PACRG: variants seen among roughly 807,000 people sequenced by gnomAD.
The protein encoded by PACRG is parkin coregulated gene protein.
PACRG carries 29 observed loss-of-function variants against 29.7 expected under a neutral mutation model. The ratio of observed to expected loss-of-function variants is 0.98; its 90% CI spans 0.73 to 1.33. The LOEUF (loss-of-function observed/expected upper bound fraction) is 1.33, where lower values mean the gene tolerates loss of function less well. Ranked by LOEUF, PACRG falls within the 40% of genes most tolerant of loss-of-function variation. The pLI is 0.00. For synonymous variants in PACRG, 116 were observed against 118.7 expected (o/e 0.98, Z 0.15); for missense variants, 279 against 316.2 (o/e 0.88, Z 0.89).
chr6:163,033,857 T>G lies in PACRG; in HGVS notation c.292-28293T>G, dbSNP rs547577781. Among the ~76,000 whole-genome samples, 13 of 152,338 alleles carry G rather than the reference T, an allele frequency of 8.5e-5. No homozygotes were observed. The South Asian group carries it at 2.7e-3, about 32-fold the overall frequency. ...TAGCAAAGTTTAGAACTGACCAGTT[T>G]GCTGGGTCACCTTGAACAGCAGTCT... On this transcript the variant is annotated intron_variant, in intron 2 of 4. Coordinates refer to ENST00000366888, the MANE Select transcript of PACRG (RefSeq NM_001080379.2).
At chr6:162,923,020 C>T (rs551395019) in intron 2 of PACRG, among the ~76,000 whole-genome samples, 144 of 152,266 alleles carry the variant, frequency 9.5e-4, no homozygotes, top group Non-Finnish European at 1.6e-3. Flanking sequence ...TTGCATTTCC[C>T]ACATCCTTGC....
At chr6:163,096,482 A>C (rs1051532927) in intron 4 of PACRG, among the ~76,000 whole-genome samples, 3 of 152,182 alleles carry the variant, frequency 2.0e-5, no homozygotes, top group African/African-American at 7.2e-5. Flanking sequence ...GCAGCTGCCG[A>C]GCACAGCACT....
intron 4 of PACRG, among the ~76,000 whole-genome samples, chr6:163,202,117 A>G (rs888701358): frequency 6.6e-6 from 1 of 152,188 alleles, no homozygotes; most frequent in African/African-American, 2.4e-5. Context: ...TCTGGGAAGC[A>G]GGGGAAGCCG....
chr6:162,819,997 T>C (rs1584453893), intron 2 of PACRG, among the ~76,000 whole-genome samples: 1 of 152,202 alleles, frequency 6.6e-6, no homozygotes, highest in African/African-American at 2.4e-5. Flanking sequence ...CAGAATGATA[T>C]GCAACGGTCT....
intron 1 of PACRG, among the ~76,000 whole-genome samples, chr6:162,733,739 C>G (rs1360661453): frequency 6.6e-6 from 1 of 152,140 alleles, no homozygotes; most frequent in East Asian, 1.9e-4. Context: ...TTTCCTCTGC[C>G]TGAAATGCAT....
chr6:162,969,223 G>A (rs1332857146), intron 2 of PACRG, among the ~76,000 whole-genome samples: 2 of 152,030 alleles, frequency 1.3e-5, no homozygotes, highest in Non-Finnish European at 1.5e-5. Context: ...GCTGACTGCT[G>A]TATATTACTG....
chr6:162,905,131 T>G (rs893777302), intron 2 of PACRG, among the ~76,000 whole-genome samples: 1 of 152,088 alleles, frequency 6.6e-6, no homozygotes, highest in Non-Finnish European at 1.5e-5. Context: ...AACAAGGTGG[T>G]GGTGGCCTCG....
In PACRG at chr6:162,861,259, T is replaced by C. The variant is rs189417011; in HGVS notation, c.291+46978T>C. 1.7e-3 allele frequency among the ~76,000 whole-genome samples: 254 copies of C among 152,358 alleles called. 1 individual carries two copies. Among genetic ancestry groups the C allele is most frequent in the African/African-American group, 5.8e-3 (241 of 41,584 alleles). On this transcript the variant is annotated intron_variant, in intron 2 of 4. Coordinates refer to ENST00000366888, the MANE Select transcript of PACRG (RefSeq NM_001080379.2). ...TAACCATTTAATAAAATTAATGTGC[T>C]ATTAGTCTGATGTCTTAATTCAATT...
chr6:163,081,980 G>T (rs1464355750), intron 3 of PACRG, among the ~76,000 whole-genome samples: 2 of 151,982 alleles, frequency 1.3e-5, no homozygotes, highest in Admixed American at 1.3e-4. Flanking sequence ...AATATTTTTG[G>T]TAATATCATT....
At chr6:162,854,778 C>T (rs541302521) in intron 2 of PACRG, among the ~76,000 whole-genome samples, 2 of 152,176 alleles carry the variant, frequency 1.3e-5, no homozygotes, top group African/African-American at 4.8e-5. Flanking sequence ...CTGACTTCAC[C>T]TAAATGAGCC....
intron 4 of PACRG, among the ~76,000 whole-genome samples, chr6:163,122,226 G>A (rs1390280403): frequency 6.6e-6 from 1 of 150,502 alleles, no homozygotes; most frequent in Non-Finnish European, 1.5e-5. Flanking sequence ...GTTCTTCTTT[G>A]ACTTGATAGA....
intron 3 of PACRG, among the ~76,000 whole-genome samples, chr6:163,077,330 T>G (rs1812639605): frequency 6.6e-6 from 1 of 152,072 alleles, no homozygotes; most frequent in Admixed American, 6.6e-5. Context: ...TATCACTGCT[T>G]TACAAATAGA....
intron 2 of PACRG, among the ~76,000 whole-genome samples, chr6:162,966,968 GATAA>G (rs1011710590): frequency 2.0e-5 from 3 of 152,132 alleles, no homozygotes; most frequent in Non-Finnish European, 2.9e-5. Flanking sequence ...ACAGTGATTA[GATAA>G]ATAAATATAA....
chr6:163,164,538 A>G (rs1778708170), intron 4 of PACRG, among the ~76,000 whole-genome samples: 2 of 152,236 alleles, frequency 1.3e-5, no homozygotes, highest in African/African-American at 4.8e-5. Context: ...CGCTTGAGTT[A>G]AGAAGCTGCA....
chr6:163,213,409 A>G (rs373850956), intron 4 of PACRG, among the ~76,000 whole-genome samples: 7 of 152,188 alleles, frequency 4.6e-5, no homozygotes, highest in Non-Finnish European at 8.8e-5. Context: ...TTTTGCTATT[A>G]AGGATGTTAT....
At chr6:163,135,823 T>C (rs1816914677) in intron 4 of PACRG, among the ~76,000 whole-genome samples, 1 of 152,240 alleles carries the variant, frequency 6.6e-6, no homozygotes, top group African/African-American at 2.4e-5. Context: ...AACATCTGAA[T>C]CCTTGTTAAA....
At chr6:162,783,795 A>G (rs1784263054) in intron 1 of PACRG, among the ~76,000 whole-genome samples, 1 of 152,030 alleles carries the variant, frequency 6.6e-6, no homozygotes, top group Non-Finnish European at 1.5e-5. Flanking sequence ...AAAGTATTGT[A>G]CTTGATTTGG....
At chr6:162,814,046 A>G in intron 1 of PACRG, 101 bp from the exon 2 acceptor site, 2 of 1,291,448 alleles carry the variant, frequency 1.5e-6, no homozygotes, top group Non-Finnish European at 2.1e-6. Context: ...CTTCCAACAT[A>G]TTTATACAAA....
chr6:163,071,798 A>T (rs560024340), intron 3 of PACRG, among the ~76,000 whole-genome samples: 1 of 151,952 alleles, frequency 6.6e-6, no homozygotes, highest in South Asian at 2.1e-4. Flanking sequence ...GGGTACAATA[A>T]GCAACTATAT....
Sources: gnomAD v4.1 joint callset for allele counts (sites outside exome capture counted in the v4.1 genomes callset) on GRCh38, gnomAD v4.1.1 for gene constraint, MANE v1.5 for transcripts, NCBI Gene and HGNC (gene_info 2026-07-23, HGNC 2026-07-21) for gene names.